The following IRAK2 variants were observed in gnomAD, a reference collection of about 807,000 sequenced individuals.
IRAK2 encodes the protein interleukin-1 receptor-associated kinase-like 2.
A neutral mutation model predicts 72.0 loss-of-function variants in IRAK2; 57 were observed. The observed-to-expected ratio is 0.79, with a 90% CI of 0.64 to 0.99. IRAK2 has a LOEUF of 0.99. IRAK2 is among the 50% of genes least tolerant of loss of function. IRAK2 has a pLI of 0.00. For synonymous variants in IRAK2, 293 were observed against 312.7 expected (o/e 0.94, Z 0.67); for missense variants, 790 against 794.4 (o/e 0.99, Z 0.07).
chr3:10,177,502 A>G (rs1253865509), intron 1 of IRAK2, among the ~76,000 whole-genome samples: 3 of 152,188 alleles, frequency 2.0e-5, no homozygotes, highest in Non-Finnish European at 4.4e-5. Flanking sequence ...CGGACCTTCC[A>G]TTATAGAAGG....
intron 3 of IRAK2, among the ~76,000 whole-genome samples, chr3:10,205,534 C>A (rs1292903282): frequency 6.6e-6 from 1 of 152,176 alleles, no homozygotes; most frequent in Non-Finnish European, 1.5e-5. Flanking sequence ...TTGTGTGAGG[C>A]AAGCTCTGAC....
At chr3:10,235,670 C>T (rs1344972305) in intron 11 of IRAK2, among the ~76,000 whole-genome samples, 1 of 152,106 alleles carries the variant, frequency 6.6e-6, no homozygotes, top group Non-Finnish European at 1.5e-5. Context: ...CTCTCAGTTA[C>T]TGTATTGGGT....
chr3:10,218,446 C>CCAAA (rs1553625480), intron 7 of IRAK2, among the ~76,000 whole-genome samples: 2 of 132,132 alleles, frequency 1.5e-5, no homozygotes, highest in Admixed American at 8.0e-5. Context: ...AAAAAAAAAA[C>CCAAA]CAAAACGGTG....
intron 1 of IRAK2, among the ~76,000 whole-genome samples, 170 bp downstream of exon 1, chr3:10,165,218 C>T (rs1350146482): frequency 2.0e-5 from 3 of 152,210 alleles, no homozygotes; most frequent in Non-Finnish European, 4.4e-5. Flanking sequence ...GGCCTGTCAC[C>T]TGAAGGTGCC....
rs747056392 is a variant in IRAK2, at chr3:10,219,809, C to T, written c.1013+20C>T. ...CAAGAGGTGAGAGAGGTGGGCTGGACCCTGCTGGGGCCTGGGCTGCAAGGG... is the reference window on the plus strand; with the variant it reads ...CAAGAGGTGAGAGAGGTGGGCTGGATCCTGCTGGGGCCTGGGCTGCAAGGG... On this transcript the variant is annotated intron_variant, in intron 8 of 12. Coordinates refer to ENST00000256458, the MANE Select transcript of IRAK2 (RefSeq NM_001570.4). 5.8e-6 allele frequency: 9 copies of T among 1,558,752 alleles called. No homozygotes were observed. Among genetic ancestry groups the T allele is most frequent in the East Asian group, 4.5e-5 (2 of 44,610 alleles).
chr3:10,212,343 G>A (rs1206669151), intron 4 of IRAK2, among the ~76,000 whole-genome samples: 1 of 144,744 alleles, frequency 6.9e-6, no homozygotes, highest in Non-Finnish European at 1.5e-5. Flanking sequence ...TAGTATTAGT[G>A]TATTTTATGT....
intron 2 of IRAK2, among the ~76,000 whole-genome samples, chr3:10,197,768 C>T (rs1311708912): frequency 6.7e-6 from 1 of 149,750 alleles, no homozygotes; most frequent in Non-Finnish European, 1.5e-5. Context: ...AGAAGAATGG[C>T]GTGAACCTGG....
intron 4 of IRAK2, among the ~76,000 whole-genome samples, chr3:10,212,911 C>T (rs1482639570): frequency 1.3e-5 from 2 of 152,006 alleles, no homozygotes; most frequent in East Asian, 1.9e-4. Context: ...ACTACAGGCG[C>T]CCGCCACCAC....
At chr3:10,183,031 C>G (rs1245481325) in intron 2 of IRAK2, among the ~76,000 whole-genome samples, 1 of 152,190 alleles carries the variant, frequency 6.6e-6, no homozygotes, top group Non-Finnish European at 1.5e-5. Flanking sequence ...CTCGGCCTTC[C>G]AAAGTGCCAG....
chr3:10,217,102 G>A, intron 7 of IRAK2, 54 bp downstream of exon 7: 2 of 1,317,090 alleles, frequency 1.5e-6, no homozygotes, highest in Non-Finnish European at 2.2e-6. Context: ...CCAGCCATGG[G>A]GTCAAGGGTT....
Position 10,242,260 on chromosome 3 carries a change from C to T in IRAK2, c.*32C>T. On this transcript the variant is annotated 3_prime_UTR_variant, in exon 13 of 13. Transcript: ENST00000256458. The stretch of plus-strand genomic sequence containing the variant: ...GAACACAGCTGAGGACCCTTGTCCT[C>T]AGTTGGAAAGATGAGCATCAGATCA... The T allele has an allele frequency of 3.8e-6, 5 of 1,301,458 alleles. No individual in the cohort carries two copies. Among genetic ancestry groups the T allele is most frequent in the Non-Finnish European group, 5.5e-6 (5 of 916,386 alleles). 80.6% of individuals were successfully genotyped at this position (1,301,458 alleles called of 1,614,324 possible).
chr3:10,233,708 TGTA>T (rs1406266134), intron 10 of IRAK2, among the ~76,000 whole-genome samples: 1 of 152,204 alleles, frequency 6.6e-6, no homozygotes, highest in East Asian at 1.9e-4. Flanking sequence ...GTGCTTATCA[TGTA>T]GTAAGTGCCA....
At chr3:10,215,041 G>A (rs1031827011) in intron 6 of IRAK2, among the ~76,000 whole-genome samples, 7 of 150,782 alleles carry the variant, frequency 4.6e-5, no homozygotes, top group Admixed American at 2.7e-4. Flanking sequence ...GCAGTGAGCC[G>A]AGATCATGAC....
intron 9 of IRAK2, among the ~76,000 whole-genome samples, chr3:10,223,036 A>T (rs1697721161): frequency 6.6e-6 from 1 of 152,168 alleles, no homozygotes; most frequent in African/African-American, 2.4e-5. Context: ...TACATTTATA[A>T]AGGATTATAT....
chr3:10,234,660 GTGAGCCTCGCCCGCAGCGGCCTCGCTGCC>G lies in IRAK2; in HGVS notation c.1473+4_1473+32del. The G allele has an allele frequency of 1.9e-6, 3 of 1,611,212 alleles. No homozygotes were observed. The highest frequency in any genetic ancestry group is 2.5e-6 in the Non-Finnish European group (3 of 1,178,820). On this transcript the variant is annotated splice_donor_variant and splice_donor_5th_base_variant and intron_variant, in intron 11 of 12. Coordinates refer to ENST00000256458, the MANE Select transcript of IRAK2 (RefSeq NM_001570.4). LOFTEE classifies it high-confidence loss of function. Reference sequence around the variant, plus strand: ...GAGGCGTAACACCAGCCTGCAGGAGGTGAGCCTCGCCCGCAGCGGCCTCGCTGCCTGGGCCACGCGTGGGTCCACCTCAT... The same window carrying G: ...GAGGCGTAACACCAGCCTGCAGGAGGTGGGCCACGCGTGGGTCCACCTCAT...
intron 2 of IRAK2, among the ~76,000 whole-genome samples, chr3:10,198,966 A>G (rs1416777084): frequency 6.6e-6 from 1 of 152,172 alleles, no homozygotes; most frequent in African/African-American, 2.4e-5. Flanking sequence ...ATGCAGGGCT[A>G]TAGCATCAGG....
chr3:10,201,031 T>C (rs1161021961), intron 3 of IRAK2, among the ~76,000 whole-genome samples: 1 of 151,876 alleles, frequency 6.6e-6, no homozygotes. Flanking sequence ...TATCGGGAGG[T>C]AGAAAAGTAG....
intron 2 of IRAK2, among the ~76,000 whole-genome samples, chr3:10,178,382 G>C (rs1259571897): frequency 1.3e-5 from 2 of 151,946 alleles, no homozygotes; most frequent in African/African-American, 4.8e-5. Context: ...GCTTGAACCT[G>C]GGAGGCGGAG....
intron 2 of IRAK2, among the ~76,000 whole-genome samples, chr3:10,200,128 T>C (rs1697333189): frequency 6.6e-6 from 1 of 151,996 alleles, no homozygotes; most frequent in South Asian, 2.1e-4. Context: ...CCTCAGGCAG[T>C]CCACCCACCT....
Sources: allele counts gnomAD v4.1 joint callset (sites outside exome capture counted in the v4.1 genomes callset), GRCh38; gene constraint gnomAD v4.1.1; transcripts MANE v1.5; gene names NCBI Gene and HGNC (gene_info 2026-07-23, HGNC 2026-07-21).